The following PTPRD variants were observed in gnomAD, a reference collection of about 807,000 sequenced individuals.
PTPRD encodes the protein receptor-type tyrosine-protein phosphatase delta.
In PTPRD, 34 loss-of-function variants were observed where a neutral mutation model predicts 214.5. The observed-to-expected ratio is 0.16, with a 90% CI of 0.12 to 0.21. PTPRD has a LOEUF of 0.21. Ranked by LOEUF, PTPRD falls within the 10% of genes least tolerant of loss-of-function variation. The pLI is 1.00. For missense variants in PTPRD, 2,545 were observed against 2,398.7 expected, an observed-to-expected ratio of 1.06 and a Z score of -1.27; for synonymous variants, 1,128 against 845.7, an observed-to-expected ratio of 1.33 and a Z score of -5.79.
At chr9:10,386,714 CAAAT>C (rs746391662) in intron 2 of PTPRD, among the ~76,000 whole-genome samples, 3 of 151,274 alleles carry the variant, frequency 2.0e-5, no homozygotes, top group Non-Finnish European at 4.4e-5. Flanking sequence ...GAGAGAGAGA[CAAAT>C]AAAAGAAGAG....
intron 2 of PTPRD, among the ~76,000 whole-genome samples, chr9:10,523,052 C>T (rs1301171984): frequency 6.6e-6 from 1 of 151,798 alleles, no homozygotes; most frequent in African/African-American, 2.4e-5. Flanking sequence ...ACCTGTTTCA[C>T]GTTTGTTGGA....
chr9:9,290,026 G>T (rs1436480319), intron 9 of PTPRD, among the ~76,000 whole-genome samples: 2 of 151,604 alleles, frequency 1.3e-5, no homozygotes, highest in African/African-American at 2.4e-5. Flanking sequence ...TTTTTGAGGA[G>T]CCTTCATACT....
At chr9:8,515,241 C>G (rs2097762796) in intron 21 of PTPRD, among the ~76,000 whole-genome samples, 1 of 152,176 alleles carries the variant, frequency 6.6e-6, no homozygotes, top group Non-Finnish European at 1.5e-5. Flanking sequence ...CTTCAATTTA[C>G]TCATTGGCAA....
intron 14 of PTPRD, among the ~76,000 whole-genome samples, chr9:8,604,583 A>T (rs17573565): frequency 8.5e-5 from 13 of 152,074 alleles, no homozygotes; most frequent in Non-Finnish European, 2.9e-5. Context: ...CAAAGTGGAC[A>T]GTCAAGGAAC....
chr9:8,814,711 G>T (rs1001439673), intron 11 of PTPRD, among the ~76,000 whole-genome samples: 3 of 152,188 alleles, frequency 2.0e-5, no homozygotes, highest in Non-Finnish European at 4.4e-5. Flanking sequence ...CAAGGATGAG[G>T]AAGAAGTGAG....
chr9:9,900,498 T>C (rs918194416), intron 5 of PTPRD, among the ~76,000 whole-genome samples: 4 of 152,176 alleles, frequency 2.6e-5, no homozygotes, highest in Non-Finnish European at 5.9e-5. Context: ...TCACTGTCCA[T>C]ATTTCTATCA....
chr9:9,546,802 G>T (rs866902853), intron 8 of PTPRD, among the ~76,000 whole-genome samples: 1 of 151,492 alleles, frequency 6.6e-6, no homozygotes, highest in Non-Finnish European at 1.5e-5. Context: ...TTTAAATCTT[G>T]AGAGTCATAT....
At chr9:10,611,770 T>G (rs1192545064) in intron 2 of PTPRD, among the ~76,000 whole-genome samples, 1 of 152,188 alleles carries the variant, frequency 6.6e-6, no homozygotes, top group Non-Finnish European at 1.5e-5. Context: ...CTCTCCAAAT[T>G]AAGTTCATTC....
At chr9:9,349,549 G>A (rs1319108491) in intron 9 of PTPRD, among the ~76,000 whole-genome samples, 1 of 151,356 alleles carries the variant, frequency 6.6e-6, no homozygotes, top group Non-Finnish European at 1.5e-5. Flanking sequence ...TCAACTGTCT[G>A]ATGGTTGAGA....
At chr9:8,529,101 G>T (rs557005210) in intron 14 of PTPRD, among the ~76,000 whole-genome samples, 1 of 152,206 alleles carries the variant, frequency 6.6e-6, no homozygotes, top group Admixed American at 6.5e-5. Flanking sequence ...AGGAAGCTCT[G>T]ATTTAAAGTA....
At chr9:10,085,709 G>C (rs1291926711) in intron 3 of PTPRD, among the ~76,000 whole-genome samples, 1 of 151,378 alleles carries the variant, frequency 6.6e-6, no homozygotes, top group African/African-American at 2.4e-5. Context: ...ACACACACAC[G>C]CACAAAGGCA....
chr9:9,092,265 A>C (rs1420788934), intron 10 of PTPRD, among the ~76,000 whole-genome samples: 1 of 152,188 alleles, frequency 6.6e-6, no homozygotes. Context: ...AAGTAGACAC[A>C]GATATTGAAT....
chr9:9,486,642 C>T (rs2095650681), intron 8 of PTPRD, among the ~76,000 whole-genome samples: 2 of 152,050 alleles, frequency 1.3e-5, no homozygotes, highest in Admixed American at 6.6e-5. Flanking sequence ...CATATTCCGT[C>T]TACAAACAGG....
intron 9 of PTPRD, among the ~76,000 whole-genome samples, chr9:9,275,729 T>C (rs1473863694): frequency 6.6e-6 from 1 of 151,306 alleles, no homozygotes; most frequent in Non-Finnish European, 1.5e-5. Flanking sequence ...CTCATCTGTG[T>C]CCTCTTTAAA....
chr9:9,400,073 G>C (rs1373152076), intron 8 of PTPRD, among the ~76,000 whole-genome samples: 1 of 147,384 alleles, frequency 6.8e-6, no homozygotes. Context: ...ATAGAGTGTG[G>C]ACCTAACTTT....
chr9:9,128,414 T>A (rs2099837378), intron 10 of PTPRD, among the ~76,000 whole-genome samples: 1 of 152,168 alleles, frequency 6.6e-6, no homozygotes, highest in African/African-American at 2.4e-5. Flanking sequence ...TTCAGGAGTA[T>A]ATGTCAAAAC....
chr9:9,557,841 G>A (rs927928016), intron 8 of PTPRD, among the ~76,000 whole-genome samples: 1 of 152,168 alleles, frequency 6.6e-6, no homozygotes, highest in African/African-American at 2.4e-5. Flanking sequence ...GTGGGTGGAT[G>A]GGCAGAAAGA....
chr9:9,064,798 T>C (rs2099722796), intron 10 of PTPRD, among the ~76,000 whole-genome samples: 1 of 152,218 alleles, frequency 6.6e-6, no homozygotes, highest in Admixed American at 6.5e-5. Flanking sequence ...GAGATTTGTG[T>C]TCAGAAAAGC....
chr9:10,536,613 C>T (rs1590291188), intron 2 of PTPRD, among the ~76,000 whole-genome samples: 1 of 152,078 alleles, frequency 6.6e-6, no homozygotes. Context: ...TTATGTTTTG[C>T]TGGAACTATG....
Sources: gnomAD v4.1 joint callset for allele counts (sites outside exome capture counted in the v4.1 genomes callset) on GRCh38, gnomAD v4.1.1 for gene constraint, MANE v1.5 for transcripts, NCBI Gene and HGNC (gene_info 2026-07-23, HGNC 2026-07-21) for gene names.